CACNA1E: variants seen among roughly 807,000 people sequenced by gnomAD.
CACNA1E encodes calcium voltage-gated channel subunit alpha1 E, also known as voltage-dependent R-type calcium channel subunit alpha-1E.
A neutral mutation model predicts 259.2 loss-of-function variants in CACNA1E; 40 were observed. That is an observed-to-expected ratio of 0.15 (90% CI 0.12 to 0.20). The LOEUF is 0.20. CACNA1E is among the 10% of genes least tolerant of loss of function. The pLI, the probability that CACNA1E is intolerant of heterozygous loss-of-function variation, is 1.00. For missense variants in CACNA1E, 1,874 were observed against 3,040.1 expected (o/e 0.62, Z 9.02); for synonymous variants, 1,104 against 1,138.5 (o/e 0.97, Z 0.61).
At chr1:181,561,455 T>C (rs922679822) in intron 3 of CACNA1E, among the ~76,000 whole-genome samples, 1 of 152,202 alleles carries the variant, frequency 6.6e-6, no homozygotes, top group Non-Finnish European at 1.5e-5. Flanking sequence ...CTAGTTAATC[T>C]TTTCTCTTCA....
At chr1:181,544,267 G>GT (rs1446878652) in intron 3 of CACNA1E, among the ~76,000 whole-genome samples, 1 of 152,164 alleles carries the variant, frequency 6.6e-6, no homozygotes, top group Non-Finnish European at 1.5e-5. Flanking sequence ...CATAAAGGGC[G>GT]TACGATAGTT....
At chr1:181,789,698 G>T (rs1031000013) in intron 43 of CACNA1E, among the ~76,000 whole-genome samples, 4 of 152,216 alleles carry the variant, frequency 2.6e-5, no homozygotes, top group Non-Finnish European at 4.4e-5. Context: ...AAGCCCAGTG[G>T]ATCCCGTCAG....
At chr1:181,482,343 C>T (rs1012105693), upstream of CACNA1E, among the ~76,000 whole-genome samples, 6 of 152,266 alleles carry the variant, frequency 3.9e-5, no homozygotes, top group Non-Finnish European at 8.8e-5. Context: ...CCAAGACGCG[C>T]GTGCGTGTGC....
At chr1:181,723,177 T>C (rs768810279) in intron 16 of CACNA1E, among the ~76,000 whole-genome samples, 2 of 152,200 alleles carry the variant, frequency 1.3e-5, no homozygotes, top group Non-Finnish European at 2.9e-5. Flanking sequence ...CATCTCATTA[T>C]TGGGAGATGC....
chr1:181,615,955 C>A (rs1330653493), intron 6 of CACNA1E, among the ~76,000 whole-genome samples: 1 of 152,120 alleles, frequency 6.6e-6, no homozygotes, highest in East Asian at 1.9e-4. Context: ...ACAAGTTGAA[C>A]TTTACTAAAT....
In CACNA1E at chr1:181,736,358, CAGA is replaced by C. The variant is rs947294734; in HGVS notation, c.3352_3354del (p.Lys1118del). 4.3e-6 allele frequency: 7 copies of C among 1,610,490 alleles called. No homozygotes were observed. Among genetic ancestry groups the C allele is most frequent in the Non-Finnish European group, 5.9e-6 (7 of 1,178,250 alleles). ...TGAGGAGGAGGTGGAGAAGAAGAAG[CAGA>C]AGAAGGAGAAGCGTGAGACAGGCAA... On this transcript the variant is annotated inframe_deletion, in exon 22 of 48. Transcript: ENST00000367573.
intron 27 of CACNA1E, among the ~76,000 whole-genome samples, chr1:181,754,829 C>T (rs575812796): frequency 3.9e-5 from 6 of 152,292 alleles, no homozygotes; most frequent in East Asian, 3.9e-4. Context: ...AATCTAAGAA[C>T]GTCACCAAAT....
intron 46 of CACNA1E, among the ~76,000 whole-genome samples, chr1:181,795,631 G>A (rs1430817986): frequency 1.3e-5 from 2 of 151,388 alleles, no homozygotes; most frequent in South Asian, 2.1e-4. Flanking sequence ...TAGTAGAGAC[G>A]GGGTTTCACC....
chr1:181,651,654 T>G (rs1482833110), intron 7 of CACNA1E: 1 of 489,512 alleles, frequency 2.0e-6, no homozygotes, highest in African/African-American at 2.0e-5. Context: ...TAAAAAGTCT[T>G]GATGTCAGGC....
intron 6 of CACNA1E, among the ~76,000 whole-genome samples, chr1:181,581,851 A>T (rs1175345268): frequency 6.6e-6 from 1 of 152,148 alleles, no homozygotes; most frequent in Non-Finnish European, 1.5e-5. Context: ...GTCTGCCTTT[A>T]CCTTAAGGTG....
chr1:181,469,643 TGA>T (rs759534157), intron 2 of CACNA1E, among the ~76,000 whole-genome samples: 19 of 152,272 alleles, frequency 1.2e-4, no homozygotes, highest in Admixed American at 9.2e-4. Flanking sequence ...ATGAGATCAC[TGA>T]GAGAGTGCAT....
intron 24 of CACNA1E, 71 bp downstream of exon 24, chr1:181,738,497 C>T: frequency 7.9e-7 from 1 of 1,260,508 alleles, no homozygotes; most frequent in Non-Finnish European, 1.2e-6. Context: ...TAGGCTAGAG[C>T]CCTTCCTCAG....
At chr1:181,760,711 G>A (rs1444969253) in intron 32 of CACNA1E, among the ~76,000 whole-genome samples, 1 of 152,160 alleles carries the variant, frequency 6.6e-6, no homozygotes, top group Non-Finnish European at 1.5e-5. Context: ...GCTCAGAAAG[G>A]TTGAATACTT....
rs781565844 is a variant in CACNA1E at position 181,798,627 on chromosome 1, TGAG to T, written c.6742_6744del (p.Glu2248del). The T allele has an allele frequency of 3.7e-6, 6 of 1,612,162 alleles. No individual in the cohort carries two copies. The highest frequency in any genetic ancestry group is 2.7e-5 in the African/African-American group (2 of 74,998). ...AAGACTCCCACGCCTCAGACTGTGG[TGAG>T]GAGGAGACGCTCACTTTCGAAGCAG... On this transcript the variant is annotated inframe_deletion, in exon 48 of 48. Coordinates refer to ENST00000367573, the MANE Select transcript of CACNA1E (RefSeq NM_001205293.3). This position sits in a 1 kb window ranked among gnomAD's most constrained non-coding sequence, Gnocchi z 4.2.
intron 7 of CACNA1E, among the ~76,000 whole-genome samples, chr1:181,699,688 A>G (rs574276988): frequency 6.6e-6 from 1 of 152,182 alleles, no homozygotes; most frequent in Non-Finnish European, 1.5e-5. Context: ...ACTGAAGGCA[A>G]GAAGCATCCA....
chr1:181,468,463 C>T (rs1359834602), intron 2 of CACNA1E, among the ~76,000 whole-genome samples: 1 of 152,178 alleles, frequency 6.6e-6, no homozygotes, highest in Non-Finnish European at 1.5e-5. Flanking sequence ...GTCCATTTGG[C>T]TTTGTTTATA....
chr1:181,564,628 T>C (rs1162191426), intron 3 of CACNA1E, among the ~76,000 whole-genome samples: 1 of 152,226 alleles, frequency 6.6e-6, no homozygotes, highest in African/African-American at 2.4e-5. Context: ...ATGTTCTTAA[T>C]GGCATGTAGA....
chr1:181,345,425 T>A (rs144521906), intron 1 of CACNA1E, among the ~76,000 whole-genome samples: 1 of 152,114 alleles, frequency 6.6e-6, no homozygotes, highest in Non-Finnish European at 1.5e-5. Context: ...TGTGGCCACA[T>A]GCCGAGTTGC....
intron 6 of CACNA1E, among the ~76,000 whole-genome samples, chr1:181,632,556 AAG>A (rs1392375903): frequency 6.6e-6 from 1 of 152,228 alleles, no homozygotes; most frequent in East Asian, 1.9e-4. Flanking sequence ...TTAATTTAAA[AAG>A]AATTAATGAC....
Sources: allele counts gnomAD v4.1 joint callset (sites outside exome capture counted in the v4.1 genomes callset), GRCh38; gene constraint gnomAD v4.1.1; non-coding constraint Gnocchi (gnomAD v3.1); transcripts MANE v1.5; gene names NCBI Gene and HGNC (gene_info 2026-07-23, HGNC 2026-07-21).